TFDP2: variants seen among roughly 807,000 people sequenced by gnomAD.
The protein encoded by TFDP2 is transcription factor Dp-2 (E2F dimerization partner 2).
Under a neutral mutation model 59.3 loss-of-function variants are expected in TFDP2, and 17 were observed. The observed-to-expected ratio is 0.29, with a 90% CI of 0.20 to 0.43. The LOEUF (loss-of-function observed/expected upper bound fraction) is 0.43, where lower values mean the gene tolerates loss of function less well. Among genes scored for constraint, TFDP2 ranks in the 20% least tolerant of loss-of-function variants. The pLI, the probability that TFDP2 is intolerant of heterozygous loss-of-function variation, is 1.00. For synonymous variants in TFDP2, 180 were observed against 194.7 expected (o/e 0.92, Z 0.63); for missense variants, 391 against 528.8 (o/e 0.74, Z 2.56).
At chr3:142,099,357 C>A (rs959783717) in intron 2 of TFDP2, among the ~76,000 whole-genome samples, 1 of 152,150 alleles carries the variant, frequency 6.6e-6, no homozygotes, top group African/African-American at 2.4e-5. Context: ...GCTATCCATG[C>A]ACTCACTATA....
At chr3:142,070,548 G>A (rs2060213670) in intron 3 of TFDP2, among the ~76,000 whole-genome samples, 1 of 152,208 alleles carries the variant, frequency 6.6e-6, no homozygotes, top group South Asian at 2.1e-4. Flanking sequence ...ATTAAGTGCT[G>A]GGACTACAGG....
intron 9 of TFDP2, among the ~76,000 whole-genome samples, chr3:141,966,691 G>C (rs932263480): frequency 1.3e-5 from 2 of 151,558 alleles, no homozygotes; most frequent in African/African-American, 4.9e-5. Flanking sequence ...GTTTATTATG[G>C]AAAAGGTTTA....
At chr3:141,959,009 C>T (rs886199293) in intron 11 of TFDP2, among the ~76,000 whole-genome samples, 2 of 133,616 alleles carry the variant, frequency 1.5e-5, no homozygotes, top group Non-Finnish European at 3.1e-5. Context: ...GGCTAGAGTG[C>T]AATGGCGATC....
intron 3 of TFDP2, among the ~76,000 whole-genome samples, chr3:142,034,984 G>C (rs1360713078): frequency 6.6e-6 from 1 of 152,148 alleles, no homozygotes; most frequent in East Asian, 1.9e-4. Flanking sequence ...GGGATTACAG[G>C]TGTGAGCCAC....
chr3:141,984,662 T>G (rs758007778), intron 6 of TFDP2, among the ~76,000 whole-genome samples: 2 of 152,158 alleles, frequency 1.3e-5, no homozygotes, highest in Non-Finnish European at 2.9e-5. Context: ...TCAAGATGGA[T>G]AGTGGTGATA....
intron 1 of TFDP2, among the ~76,000 whole-genome samples, chr3:142,104,113 C>A (rs1047897273): frequency 1.3e-5 from 2 of 151,990 alleles, no homozygotes; most frequent in Non-Finnish European, 2.9e-5. Context: ...ATTTAAAAAT[C>A]GAAGTAAAAC....
At chr3:142,043,177 G>A (rs573840628) in intron 3 of TFDP2, among the ~76,000 whole-genome samples, 1 of 151,814 alleles carries the variant, frequency 6.6e-6, no homozygotes, top group African/African-American at 2.4e-5. Context: ...CTCCCAAGTA[G>A]CTGGGACTAC....
At chr3:142,109,900 C>A (rs1210702070) in intron 1 of TFDP2, among the ~76,000 whole-genome samples, 2 of 152,000 alleles carry the variant, frequency 1.3e-5, no homozygotes, top group Admixed American at 1.3e-4. Context: ...ATTTTAGAGG[C>A]AGGGTCTCAC....
intron 6 of TFDP2, chr3:141,989,522 A>C (rs1002292800): frequency 2.6e-5 from 4 of 152,186 alleles, no homozygotes; most frequent in African/African-American, 9.7e-5. Flanking sequence ...GCCCTAGGGG[A>C]GAAATGTTTT....
At chr3:142,113,947 G>A (rs2061753829) in intron 1 of TFDP2, among the ~76,000 whole-genome samples, 1 of 152,038 alleles carries the variant, frequency 6.6e-6, no homozygotes, top group Non-Finnish European at 1.5e-5. Context: ...GGCGGATCAC[G>A]AGGTCAGGAG....
intron 4 of TFDP2, among the ~76,000 whole-genome samples, chr3:141,998,287 A>G (rs938308513): frequency 6.6e-6 from 1 of 152,202 alleles, no homozygotes; most frequent in Non-Finnish European, 1.5e-5. Context: ...TGAGCCGGTC[A>G]TGCTTTCTAA....
chr3:141,971,338 A>G (rs1371355697), intron 8 of TFDP2, among the ~76,000 whole-genome samples: 2 of 142,026 alleles, frequency 1.4e-5, no homozygotes, highest in East Asian at 2.0e-4. Context: ...TGGCCAAGAG[A>G]CCAGCCTGGC....
chr3:141,998,060 A>G (rs985355168), intron 4 of TFDP2, among the ~76,000 whole-genome samples: 2 of 152,058 alleles, frequency 1.3e-5, no homozygotes, highest in Non-Finnish European at 2.9e-5. Flanking sequence ...CTCTTAGCAC[A>G]GGGCCTGGTA....
intron 10 of TFDP2, among the ~76,000 whole-genome samples, chr3:141,961,331 C>T (rs998598135): frequency 1.3e-5 from 2 of 148,596 alleles, no homozygotes; most frequent in Non-Finnish European, 3.0e-5. Context: ...GCAAACTTCA[C>T]CTCCTGGGTT....
chr3:142,027,028 T>C (rs1946144064), intron 3 of TFDP2, among the ~76,000 whole-genome samples: 1 of 152,142 alleles, frequency 6.6e-6, no homozygotes, highest in South Asian at 2.1e-4. Context: ...GTTTCTCATT[T>C]TATTTTCATT....
At chr3:141,960,410 T>A (rs1937211105) in intron 10 of TFDP2, among the ~76,000 whole-genome samples, 1 of 152,166 alleles carries the variant, frequency 6.6e-6, no homozygotes, top group Admixed American at 6.6e-5. Flanking sequence ...TTTCCAAATA[T>A]GTTTGGAAAG....
intron 11 of TFDP2, among the ~76,000 whole-genome samples, chr3:141,953,454 G>A (rs1576436637): frequency 6.6e-6 from 1 of 152,046 alleles, no homozygotes; most frequent in Non-Finnish European, 1.5e-5. Flanking sequence ...AGGTAAGAAG[G>A]CCACCCTGCT....
At chr3:142,087,467 A>T (rs1393395182) in intron 3 of TFDP2, among the ~76,000 whole-genome samples, 1 of 151,686 alleles carries the variant, frequency 6.6e-6, no homozygotes, top group Non-Finnish European at 1.5e-5. Context: ...TATGCAGCAC[A>T]TGACTGCATT....
At chr3:142,140,912 A>C (rs1033096294) in intron 1 of TFDP2, among the ~76,000 whole-genome samples, 22 of 151,970 alleles carry the variant, frequency 1.4e-4, no homozygotes, top group African/African-American at 4.8e-4. Flanking sequence ...CACTGCTGTC[A>C]GAGATGTTTA....
Sources: allele counts gnomAD v4.1 joint callset (sites outside exome capture counted in the v4.1 genomes callset), GRCh38; gene constraint gnomAD v4.1.1; transcripts MANE v1.5; gene names NCBI Gene and HGNC (gene_info 2026-07-23, HGNC 2026-07-21).